Variants in MYH11 observed in about 807,000 individuals in gnomAD.
MYH11 encodes myosin heavy chain 11.
A neutral mutation model predicts 246.6 loss-of-function variants in MYH11; 80 were observed. The observed-to-expected ratio is 0.32, with a 90% CI of 0.27 to 0.39. MYH11 has a LOEUF of 0.39. MYH11 is among the 10% of genes least tolerant of loss of function. The pLI, the probability that MYH11 is intolerant of heterozygous loss-of-function variation, is 1.00. For missense variants in MYH11, 2,158 were observed against 2,546.8 expected (o/e 0.85, Z 3.29); for synonymous variants, 1,071 against 1,015.5 (o/e 1.05, Z -1.04).
intron 24 of MYH11, 93 bp from the exon 25 acceptor site, chr16:15,737,713 T>A: frequency 2.2e-6 from 3 of 1,373,264 alleles, no homozygotes; most frequent in Non-Finnish European, 3.1e-6. Flanking sequence ...CCGGAGGAGA[T>A]GAACACATCC....
Position 15,703,799 on chromosome 16 carries a change from G to T in MYH11, c.*192C>A. ...GATGAGGTTTTACTACGTTGCCCAGGCTGGAGGGTGGTGGTTTTTATATTC... is the reference window on the plus strand; with the variant it reads ...GATGAGGTTTTACTACGTTGCCCAGTCTGGAGGGTGGTGGTTTTTATATTC... On this transcript the variant is annotated 3_prime_UTR_variant, in exon 41 of 41. Transcript: ENST00000300036. The T allele has an allele frequency of 4.0e-6, 3 of 749,046 alleles. No individual in the cohort carries two copies. The allele number at this position is 749,046 out of a possible 1,614,324, so 46.4% of individuals were successfully genotyped here.
chr16:15,787,481 C>CTT (rs370002467), intron 4 of MYH11, among the ~76,000 whole-genome samples: 17,812 of 115,610 alleles, frequency 0.15, 1,978 homozygotes, highest in Middle Eastern at 0.2. Context: ...GAATTATCTA[C>CTT]TTTTTTTTTT....
intron 40 of MYH11, chr16:15,714,481 AG>A (rs1192725503): frequency 1.2e-5 from 3 of 254,866 alleles, no homozygotes; most frequent in African/African-American, 4.4e-5. Context: ...AGAATAATGC[AG>A]CCCAGATGGC....
rs561822846 is a variant in MYH11 at position 15,753,152 on chromosome 16, T to C, written c.1864+242A>G. 2.0e-5 allele frequency among the ~76,000 whole-genome samples: 3 copies of C among 152,198 alleles called. No individual in the cohort carries two copies. In the South Asian group the frequency reaches 6.2e-4, roughly 32 times the overall value. On this transcript the variant is annotated intron_variant, in intron 15 of 40. Coordinates refer to ENST00000300036, the MANE Select transcript of MYH11 (RefSeq NM_002474.3). ...TGCCTGGCATGCTGTTTCTCCTCTA[T>C]TGCCTGAGCCCTGACCTCAGGACCT...
rs2041537027 is a variant in MYH11 at position 15,750,441 on chromosome 16, C to T, written c.1865-110G>A. On this transcript the variant is annotated intron_variant, in intron 15 of 40. Transcript: ENST00000300036. The surrounding 1 kb of genome is among the most constrained non-coding windows in gnomAD (Gnocchi z 4.3). ...AACCTGCCCACTCCAATCTTTCCTT[C>T]CATCACCAACGCCTCCTTCGGCAGT... 4 of 1,066,498 alleles carry T rather than the reference C, an allele frequency of 3.8e-6. No homozygotes were observed. In the South Asian group the frequency reaches 5.4e-5, roughly 14 times the overall value. 66.1% of individuals were successfully genotyped at this position (1,066,498 alleles called of 1,614,324 possible).
intron 14 of MYH11, 34 bp downstream of exon 14, chr16:15,756,305 CCT>C (rs1022136246): frequency 3.7e-6 from 6 of 1,611,210 alleles, no homozygotes; most frequent in Non-Finnish European, 5.1e-6. Flanking sequence ...CTGGGGGTCC[CCT>C]GAGACAGAGT....
chr16:15,784,789 G>T, intron 5 of MYH11: 1 of 1,570,442 alleles, frequency 6.4e-7, no homozygotes, highest in Non-Finnish European at 8.7e-7. Context: ...AGGGGCTGGA[G>T]AATATATGAC....
intron 5 of MYH11, chr16:15,785,007 G>GCTTTTTT: frequency 1.5e-5 from 1 of 66,916 alleles, no homozygotes; most frequent in Non-Finnish European, 2.5e-5. Flanking sequence ...TAATTCTCTT[G>GCTTTTTT]ATTTTTTTTT....
chr16:15,854,772 T>C (rs1314837722), intron 1 of MYH11, among the ~76,000 whole-genome samples: 1 of 152,178 alleles, frequency 6.6e-6, no homozygotes, highest in Admixed American at 6.5e-5. Context: ...CGCTTGTGCC[T>C]AACGTGGAAG....
intron 3 of MYH11, among the ~76,000 whole-genome samples, chr16:15,817,520 G>GC (rs1045402006): frequency 2.2e-5 from 3 of 136,498 alleles, no homozygotes; most frequent in African/African-American, 1.1e-4. Flanking sequence ...CAAAAAAAAA[G>GC]GGGGGGAGAA....
chr16:15,763,741 T>TGGGGGGGGGCC, intron 10 of MYH11, 55 bp downstream of exon 10: 1 of 646,860 alleles, frequency 1.5e-6, no homozygotes, highest in Non-Finnish European at 2.9e-6. Context: ...AAATGTCACC[T>TGGGGGGGGGCC]CCCCCACCCC....
chr16:15,801,802 C>T (rs866418927), intron 3 of MYH11, among the ~76,000 whole-genome samples: 2 of 151,984 alleles, frequency 1.3e-5, no homozygotes, highest in South Asian at 2.1e-4. Flanking sequence ...ACTAAAAATA[C>T]AAAAATTAGC....
intron 1 of MYH11, among the ~76,000 whole-genome samples, chr16:15,843,514 C>T (rs1311209284): frequency 6.7e-6 from 1 of 149,628 alleles, no homozygotes; most frequent in Non-Finnish European, 1.5e-5. Context: ...CACGGCAAAA[C>T]CCTGTCTCTA....
chr16:15,849,810 T>C (rs2044285554), intron 1 of MYH11, among the ~76,000 whole-genome samples: 1 of 152,200 alleles, frequency 6.6e-6, no homozygotes, highest in Admixed American at 6.5e-5. Context: ...CCTTAGGATG[T>C]CAAGTAACGA....
At chr16:15,845,340 A>G (rs1187419053) in intron 1 of MYH11, among the ~76,000 whole-genome samples, 1 of 139,470 alleles carries the variant, frequency 7.2e-6, no homozygotes, top group Non-Finnish European at 1.5e-5. Context: ...CATTAGTGCT[A>G]GTGTATTTTA....
At chr16:15,786,515 G>A (rs769142257) in intron 5 of MYH11, 115 bp downstream of exon 5, 9 of 992,720 alleles carry the variant, frequency 9.1e-6, no homozygotes, top group African/African-American at 3.2e-5. Context: ...TCAGGGGAGG[G>A]GTAGTCAGAT....
chr16:15,712,721 G>A (rs1200318243), intron 40 of MYH11, among the ~76,000 whole-genome samples: 2 of 151,860 alleles, frequency 1.3e-5, no homozygotes, highest in African/African-American at 4.8e-5. Context: ...GGATGGTGTC[G>A]GGGAAGTCCA....
intron 27 of MYH11, among the ~76,000 whole-genome samples, chr16:15,728,899 CAAAA>C (rs371840626): frequency 4.0e-4 from 58 of 145,188 alleles, no homozygotes; most frequent in African/African-American, 1.4e-3. Flanking sequence ...GACTTTGTCT[CAAAA>C]AAAAAAGCGT....
At chr16:15,798,785 T>C in intron 3 of MYH11, 98 bp from the exon 4 acceptor site, 1 of 1,262,170 alleles carries the variant, frequency 7.9e-7, no homozygotes, top group East Asian at 2.3e-5. Context: ...ATTCTAAAGC[T>C]TCTCCATGCT....
Sources: allele counts gnomAD v4.1 joint callset (sites outside exome capture counted in the v4.1 genomes callset), GRCh38; gene constraint gnomAD v4.1.1; non-coding constraint Gnocchi (gnomAD v3.1); transcripts MANE v1.5; gene names NCBI Gene and HGNC (gene_info 2026-07-23, HGNC 2026-07-21).